Variants in ESR1 observed in about 807,000 individuals in gnomAD.
ESR1 encodes estrogen receptor 1, also known as estrogen receptor.
Under a neutral mutation model 52.7 loss-of-function variants are expected in ESR1, and 12 were observed. The ratio of observed to expected loss-of-function variants is 0.23; its 90% confidence interval spans 0.15 to 0.37. The LOEUF (loss-of-function observed/expected upper bound fraction) is 0.37, where lower values mean the gene tolerates loss of function less well. Among genes scored for constraint, ESR1 ranks in the 10% least tolerant of loss-of-function variants. The pLI is 1.00. For missense variants in ESR1, 584 were observed against 779.7 expected, an observed-to-expected ratio of 0.75 and a Z score of 2.99; for synonymous variants, 305 against 316.8, an observed-to-expected ratio of 0.96 and a Z score of 0.39.
intron 1 of ESR1, among the ~76,000 whole-genome samples, chr6:151,676,386 C>T (rs1225565244): frequency 6.6e-6 from 1 of 152,186 alleles, no homozygotes; most frequent in Non-Finnish European, 1.5e-5. Context: ...GAATGGAGAA[C>T]ACTCAACAAT....
At chr6:151,988,179 A>G (rs1162671986) in intron 4 of ESR1, among the ~76,000 whole-genome samples, 5 of 152,152 alleles carry the variant, frequency 3.3e-5, no homozygotes, top group Admixed American at 3.3e-4. Context: ...AAGTAATTAT[A>G]CAACTTACCA....
intron 5 of ESR1, among the ~76,000 whole-genome samples, chr6:152,052,870 G>T (rs1310599474): frequency 2.6e-5 from 4 of 152,048 alleles, no homozygotes; most frequent in Non-Finnish European, 5.9e-5. Context: ...TGCAAGGTGG[G>T]CAGTAAGAAA....
intron 1 of ESR1, among the ~76,000 whole-genome samples, chr6:151,815,357 G>C (rs1267662078): frequency 6.6e-6 from 1 of 152,186 alleles, no homozygotes; most frequent in Non-Finnish European, 1.5e-5. Context: ...TCTAATAGGA[G>C]GAATCCCTGA....
rs11285435 is a variant in ESR1, at chr6:152,101,034, G to GTTTT, written c.*2082_*2085dup. The GTTTT allele has an allele frequency of 8.7e-5, 17 of 194,542 alleles. No homozygotes were observed. Among genetic ancestry groups the GTTTT allele is most frequent in the East Asian group, 1.5e-4 (2 of 13,462 alleles). The allele number at this position is 194,542 out of a possible 1,614,324, so 12.1% of individuals were successfully genotyped here. A position where few individuals can be genotyped will look rare whatever the true frequency, so the allele number is the denominator to read the frequency against. Reference sequence around the variant, plus strand: ...TGCAAAAACCAAGGAAAAATATTTAGTTTTTTTTTTTTTTTTTGTATACTT... The same window carrying GTTTT: ...TGCAAAAACCAAGGAAAAATATTTAGTTTTTTTTTTTTTTTTTTTTTGTATACTT... On this transcript the variant is annotated 3_prime_UTR_variant, in exon 8 of 8. Coordinates refer to ENST00000206249, the MANE Select transcript of ESR1 (RefSeq NM_000125.4).
rs920567411 is a variant in ESR1, at chr6:152,043,884, G to A, written c.1236-17107G>A. Among the ~76,000 whole-genome samples the A allele has an allele frequency of 2.6e-5, 4 of 152,066 alleles. No homozygotes were observed. In the South Asian group the frequency reaches 8.3e-4, roughly 31 times the overall value. ...TGGCAAGGCTGTGCACGTACCTTTC[G>A]TTGCAGGTCAGCCACTCACATGATA... On this transcript the variant is annotated intron_variant, in intron 5 of 7. Coordinates refer to ENST00000206249, the MANE Select transcript of ESR1 (RefSeq NM_000125.4).
chr6:151,680,636 T>A (rs965750301), intron 1 of ESR1, among the ~76,000 whole-genome samples: 5 of 152,212 alleles, frequency 3.3e-5, no homozygotes, highest in African/African-American at 4.8e-5. Context: ...CCCCACTTCC[T>A]GTCGCCATCA....
intron 3 of ESR1, among the ~76,000 whole-genome samples, chr6:151,916,609 T>C (rs1273345801): frequency 6.6e-6 from 1 of 152,132 alleles, no homozygotes; most frequent in Admixed American, 6.5e-5. Context: ...AAAATTTGAG[T>C]GGTAAAACTT....
At chr6:151,758,761 TA>T (rs67609508) in intron 2 of ESR1, among the ~76,000 whole-genome samples, 14,356 of 124,188 alleles carry the variant, frequency 0.12, 898 homozygotes, top group East Asian at 0.31. Context: ...TGTCTCAAAT[TA>T]AAAAAAAAAA....
At chr6:151,850,722 T>G (rs553703202) in intron 2 of ESR1, among the ~76,000 whole-genome samples, 2 of 152,220 alleles carry the variant, frequency 1.3e-5, no homozygotes, top group Non-Finnish European at 2.9e-5. Flanking sequence ...GCATCCGTAC[T>G]TCAAACTGGG....
intron 2 of ESR1, among the ~76,000 whole-genome samples, chr6:151,748,804 C>T (rs1445151250): frequency 2.0e-5 from 3 of 152,090 alleles, no homozygotes; most frequent in Non-Finnish European, 4.4e-5. Flanking sequence ...TGAAGTTGAA[C>T]TCCAGATAAT....
At position 152,098,285 on chromosome 6, in the gene ESR1, G is replaced by A. The variant is rs747797004; in HGVS notation, c.1554-447G>A. Among the ~76,000 whole-genome samples the A allele has an allele frequency of 2.0e-5, 3 of 152,106 alleles. No individual in the cohort carries two copies. The highest frequency in any genetic ancestry group is 4.4e-5 in the Non-Finnish European group (3 of 68,028). ...AAGTGACGTGAGAGATTTAACAATG[G>A]AGCGTCTTGAACTGCTTTACTCATT... On this transcript the variant is annotated intron_variant, in intron 7 of 7. Transcript: ENST00000206249. This position sits in a 1 kb window ranked among gnomAD's most constrained non-coding sequence, Gnocchi z 5.1.
intron 1 of ESR1, among the ~76,000 whole-genome samples, chr6:151,679,739 C>A (rs543332880): frequency 2.2e-4 from 34 of 152,316 alleles, no homozygotes; most frequent in Non-Finnish European, 2.5e-4. Flanking sequence ...TTGCTGGTGC[C>A]AATTTGACTG....
At chr6:152,056,395 G>A (rs978028759) in intron 5 of ESR1, among the ~76,000 whole-genome samples, 1 of 152,124 alleles carries the variant, frequency 6.6e-6, no homozygotes, top group Non-Finnish European at 1.5e-5. Context: ...GATCCCCTGG[G>A]TTTTCTCAGT....
At chr6:151,771,848 A>T (rs1315531955) in intron 2 of ESR1, among the ~76,000 whole-genome samples, 1 of 152,208 alleles carries the variant, frequency 6.6e-6, no homozygotes, top group Non-Finnish European at 1.5e-5. Context: ...TAAAAAAAAC[A>T]ACAACTGACA....
At chr6:152,015,561 A>T (rs2043107834) in intron 5 of ESR1, among the ~76,000 whole-genome samples, 1 of 152,164 alleles carries the variant, frequency 6.6e-6, no homozygotes, top group South Asian at 2.1e-4. Context: ...CTTCCATGAT[A>T]CCCAACAAAT....
At chr6:151,663,178 T>C (rs1056299776) in intron 1 of ESR1, among the ~76,000 whole-genome samples, 17 of 152,212 alleles carry the variant, frequency 1.1e-4, no homozygotes, top group African/African-American at 3.6e-4. Flanking sequence ...GGGTGTTTTG[T>C]GTAATGCCTG....
At chr6:151,696,947 G>A (rs2115388031) in intron 1 of ESR1, among the ~76,000 whole-genome samples, 1 of 152,274 alleles carries the variant, frequency 6.6e-6, no homozygotes, top group African/African-American at 2.4e-5. Context: ...AAAAGGAGGT[G>A]CATAATGAAA....
intron 6 of ESR1, among the ~76,000 whole-genome samples, chr6:152,078,202 G>A (rs1021526235): frequency 1.9e-4 from 29 of 152,278 alleles, no homozygotes; most frequent in Admixed American, 3.3e-4. Flanking sequence ...GGTTTTATCA[G>A]GGTTTCCGCT....
upstream of ESR1, among the ~76,000 whole-genome samples, chr6:151,800,277 G>A (rs1490154970): frequency 1.3e-5 from 2 of 152,130 alleles, no homozygotes; most frequent in African/African-American, 4.8e-5. Flanking sequence ...CACCTGAGAG[G>A]AGGGAGAGGA....
Sources: allele counts gnomAD v4.1 joint callset (sites outside exome capture counted in the v4.1 genomes callset), GRCh38; gene constraint gnomAD v4.1.1; non-coding constraint Gnocchi (gnomAD v3.1); transcripts MANE v1.5; gene names NCBI Gene and HGNC (gene_info 2026-07-23, HGNC 2026-07-21).